Variants in SLC44A1 observed in about 807,000 individuals in gnomAD.
The protein encoded by SLC44A1 is choline transporter-like protein 1.
Under a neutral mutation model 79.3 loss-of-function variants are expected in SLC44A1, and 26 were observed. The ratio of observed to expected loss-of-function variants is 0.33; its 90% CI spans 0.24 to 0.46. SLC44A1 has a LOEUF of 0.46. Ranked by LOEUF, SLC44A1 falls within the 20% of genes least tolerant of loss-of-function variation. SLC44A1 has a pLI of 1.00. For synonymous variants in SLC44A1, 263 were observed against 286.2 expected, an observed-to-expected ratio of 0.92 and a Z score of 0.82; for missense variants, 688 against 798.1, an observed-to-expected ratio of 0.86 and a Z score of 1.66.
intron 1 of SLC44A1, among the ~76,000 whole-genome samples, chr9:105,272,479 G>C (rs180672549): frequency 1.3e-5 from 2 of 151,724 alleles, no homozygotes; most frequent in African/African-American, 2.4e-5. Flanking sequence ...AGAGAACTGC[G>C]TGTGTCCCTC....
At chr9:105,309,999 GA>G in intron 3 of SLC44A1, 133 bp downstream of exon 3, 1 of 936,220 alleles carries the variant, frequency 1.1e-6, no homozygotes, top group Non-Finnish European at 1.5e-6. Context: ...TGGTGTGTTT[GA>G]TTTTTTTTCA....
At chr9:105,351,636 A>AAG (rs750733216) in intron 5 of SLC44A1, among the ~76,000 whole-genome samples, 5 of 133,662 alleles carry the variant, frequency 3.7e-5, no homozygotes, top group African/African-American at 1.4e-4. Flanking sequence ...GAGAAAGAGA[A>AAG]AGAAAGAAAG....
At chr9:105,365,255 A>C (rs1827903298) in intron 10 of SLC44A1, among the ~76,000 whole-genome samples, 1 of 152,218 alleles carries the variant, frequency 6.6e-6, no homozygotes. Flanking sequence ...TTGAAGTATT[A>C]GAGCATCAGA....
chr9:105,294,060 G>A (rs1021876896), intron 1 of SLC44A1, among the ~76,000 whole-genome samples: 5 of 152,176 alleles, frequency 3.3e-5, no homozygotes, highest in African/African-American at 1.2e-4. Flanking sequence ...GCCAGCTGTG[G>A]TCTGACTTAG....
At chr9:105,304,096 GA>G (rs1189758751) in intron 2 of SLC44A1, among the ~76,000 whole-genome samples, 1 of 152,202 alleles carries the variant, frequency 6.6e-6, no homozygotes, top group African/African-American at 2.4e-5. Context: ...CTTGGAGAAT[GA>G]TCTGGAATAG....
At chr9:105,433,475 C>CT (rs1253467029) in intron 15 of SLC44A1, among the ~76,000 whole-genome samples, 1 of 152,146 alleles carries the variant, frequency 6.6e-6, no homozygotes, top group Non-Finnish European at 1.5e-5. Context: ...AGGCAACTGC[C>CT]TTTTTTCATG....
At chr9:105,344,602 T>TA (rs1827192298) in intron 4 of SLC44A1, among the ~76,000 whole-genome samples, 1 of 152,210 alleles carries the variant, frequency 6.6e-6, no homozygotes, top group South Asian at 2.1e-4. Flanking sequence ...ATATAACATA[T>TA]AACACCAAAA....
rs146459893 is a variant in SLC44A1, at chr9:105,270,094, C to G, written c.36+25190C>G. ...TTGAAAAAAATATCTTTTCCCAGTACCTGCTAATGTCCCAAGCGTCGTGCT... is the reference window on the plus strand; with the variant it reads ...TTGAAAAAAATATCTTTTCCCAGTAGCTGCTAATGTCCCAAGCGTCGTGCT... On this transcript the variant is annotated intron_variant, in intron 1 of 15. Transcript: ENST00000374720. Among the ~76,000 whole-genome samples the G allele has an allele frequency of 8.5e-3, 1,292 of 152,238 alleles. 7 individuals carry two copies. Among genetic ancestry groups the G allele is most frequent in the Non-Finnish European group, 0.011 (771 of 68,028 alleles).
In SLC44A1 at chr9:105,244,663, G is replaced by A; in HGVS notation, c.-206G>A. On this transcript the variant is annotated 5_prime_UTR_variant, in exon 1 of 16. Coordinates refer to ENST00000374720, the MANE Select transcript of SLC44A1 (RefSeq NM_080546.5). ...GGAGCAGAGCAGGAGACGCGTAGCC[G>A]CCGTCGCCGCCGCCGGGGGATGTGG... is the stretch of plus-strand genomic sequence containing the variant. The A allele has an allele frequency of 3.9e-6, 1 of 257,784 alleles. No individual in the cohort carries two copies. The highest frequency in any genetic ancestry group is 6.9e-5 in the East Asian group (1 of 14,390). 16.0% of individuals were successfully genotyped at this position (257,784 alleles called of 1,614,324 possible).
intron 6 of SLC44A1, among the ~76,000 whole-genome samples, 173 bp from the exon 7 acceptor site, chr9:105,358,171 G>C (rs1284393999): frequency 6.6e-6 from 1 of 152,106 alleles, no homozygotes; most frequent in East Asian, 1.9e-4. Context: ...CTATTTAAGT[G>C]GTACAGGTAG....
At chr9:105,304,944 GTTTTTTT>G (rs10589897) in intron 2 of SLC44A1, among the ~76,000 whole-genome samples, 2 of 20,078 alleles carry the variant, frequency 1.0e-4, no homozygotes, top group Admixed American at 1.4e-3. Context: ...ACTTTCTATC[GTTTTTTT>G]TTTTTTTTTT....
chr9:105,349,086 T>C (rs571554940), intron 5 of SLC44A1, among the ~76,000 whole-genome samples: 1 of 152,314 alleles, frequency 6.6e-6, no homozygotes, highest in South Asian at 2.1e-4. Flanking sequence ...AAATTATAAA[T>C]AGATTTTTTG....
chr9:105,428,798 T>A (rs894294780), intron 15 of SLC44A1, among the ~76,000 whole-genome samples: 1 of 152,162 alleles, frequency 6.6e-6, no homozygotes, highest in Non-Finnish European at 1.5e-5. Context: ...CTCCTGGGTT[T>A]AAGCGATTCT....
intron 1 of SLC44A1, among the ~76,000 whole-genome samples, chr9:105,284,802 A>G (rs577748091): frequency 6.6e-6 from 1 of 152,320 alleles, no homozygotes; most frequent in South Asian, 2.1e-4. Context: ...AAATTTATTG[A>G]GATATAATTC....
chr9:105,298,477 CGA>C (rs757076857), intron 1 of SLC44A1, among the ~76,000 whole-genome samples: 8 of 152,080 alleles, frequency 5.3e-5, no homozygotes, highest in Non-Finnish European at 1.0e-4. Flanking sequence ...CTCAGCCTCC[CGA>C]GTAGCTGGAA....
At chr9:105,436,207 A>G (rs1462304827) in intron 15 of SLC44A1, among the ~76,000 whole-genome samples, 1 of 152,224 alleles carries the variant, frequency 6.6e-6, no homozygotes, top group Non-Finnish European at 1.5e-5. Context: ...CAAAAACAGA[A>G]AACAAAAAAA....
At chr9:105,292,502 A>G (rs944751167) in intron 1 of SLC44A1, among the ~76,000 whole-genome samples, 1 of 152,188 alleles carries the variant, frequency 6.6e-6, no homozygotes, top group Non-Finnish European at 1.5e-5. Flanking sequence ...GCTACTAAAC[A>G]TTTCTGGGTG....
At chr9:105,417,364 C>T (rs1329573535) in intron 15 of SLC44A1, among the ~76,000 whole-genome samples, 1 of 152,200 alleles carries the variant, frequency 6.6e-6, no homozygotes, top group Non-Finnish European at 1.5e-5. Flanking sequence ...GACCTTCCCT[C>T]ATGGAAGAAG....
intron 5 of SLC44A1, among the ~76,000 whole-genome samples, chr9:105,353,752 T>C (rs12348983): frequency 0.1 from 15,201 of 152,122 alleles, 1,942 homozygotes; most frequent in African/African-American, 0.3. Context: ...ATGTTCAAGG[T>C]TGGAGGCAAG....
Sources: allele counts gnomAD v4.1 joint callset (sites outside exome capture counted in the v4.1 genomes callset), GRCh38; gene constraint gnomAD v4.1.1; transcripts MANE v1.5; gene names NCBI Gene and HGNC (gene_info 2026-07-23, HGNC 2026-07-21).